CYP4X1: variants seen among roughly 807,000 people sequenced by gnomAD.
CYP4X1 encodes cytochrome P450 family 4 subfamily X member 1.
Under a neutral mutation model 57.9 loss-of-function variants are expected in CYP4X1, and 44 were observed. The ratio of observed to expected loss-of-function variants is 0.76; its 90% confidence interval spans 0.60 to 0.98. CYP4X1 has a LOEUF of 0.98. Ranked by LOEUF, CYP4X1 falls within the 50% of genes least tolerant of loss-of-function variation. The pLI, the probability that CYP4X1 is intolerant of heterozygous loss-of-function variation, is 0.00. For synonymous variants in CYP4X1, 227 were observed against 228.6 expected (o/e 0.99, Z 0.06); for missense variants, 532 against 623.9 (o/e 0.85, Z 1.57).
chr1:47,008,246 A>G, the CYP4X1 span, among the ~76,000 whole-genome samples: 2 of 152,246 alleles, frequency 1.3e-5, no homozygotes, highest in Non-Finnish European at 2.9e-5. Context: ...TCTACAAGCC[A>G]GAAGAGAGTG....
the CYP4X1 span, among the ~76,000 whole-genome samples, chr1:47,015,694 A>G: frequency 6.6e-6 from 1 of 152,150 alleles, no homozygotes; most frequent in Non-Finnish European, 1.5e-5. Flanking sequence ...TTGAGGCTTC[A>G]ATAAACTGTG....
upstream of CYP4X1, among the ~76,000 whole-genome samples, chr1:47,020,340 A>T (rs1468136768): frequency 6.6e-6 from 1 of 152,212 alleles, no homozygotes; most frequent in Non-Finnish European, 1.5e-5. Context: ...AGGGCAATAC[A>T]TGGCACATGA....
At chr1:46,972,232 G>A in the CYP4X1 span, among the ~76,000 whole-genome samples, 3 of 152,028 alleles carry the variant, frequency 2.0e-5, no homozygotes, top group African/African-American at 2.4e-5. Context: ...TGGCTTTGTC[G>A]AAGATCACAT....
At chr1:47,005,635 T>C in the CYP4X1 span, among the ~76,000 whole-genome samples, 12 of 152,212 alleles carry the variant, frequency 7.9e-5, no homozygotes, top group Non-Finnish European at 1.6e-4. Context: ...AAAAGAGTGG[T>C]CATATATTAA....
Position 47,031,469 on chromosome 1 carries a change from C to T in CYP4X1, c.353C>T (p.Pro118Leu). The T allele has an allele frequency of 1.4e-5, 22 of 1,614,112 alleles. No individual in the cohort carries two copies. The highest frequency in any genetic ancestry group is 1.9e-5 in the Non-Finnish European group (22 of 1,179,994). Residue 118 changes from proline to leucine, a missense_variant, in exon 3 of 12, where the codon CCT (proline) becomes CTT (leucine). By Grantham distance (98) the Pro-to-Leu change is moderately conservative (BLOSUM62 -3). Transcript: ENST00000371901. ...TCCCAGTACCTGCAGAAATTCTCAC[C>T]TCCACTTCTTGGTATGTATGTGCAA... is the stretch of plus-strand genomic sequence containing the variant. ...PKSQYLQKFSPPLLGKGLAAL... is the reference protein window; with the variant it reads ...PKSQYLQKFSLPLLGKGLAAL...
chr1:47,053,027 C>T (rs1644369177), downstream of CYP4X1, among the ~76,000 whole-genome samples: 1 of 152,158 alleles, frequency 6.6e-6, no homozygotes, highest in South Asian at 2.1e-4. Flanking sequence ...ATTAACTCAT[C>T]ATTTAGCATT....
the CYP4X1 span, among the ~76,000 whole-genome samples, chr1:46,965,805 T>C: frequency 6.6e-6 from 1 of 152,206 alleles, no homozygotes; most frequent in Non-Finnish European, 1.5e-5. Flanking sequence ...CAGGCTGGAA[T>C]GTCTGAGTTG....
upstream of CYP4X1, among the ~76,000 whole-genome samples, chr1:47,022,808 GAATA>G (rs200761621): frequency 4.9e-3 from 753 of 152,218 alleles, 12 homozygotes; most frequent in East Asian, 0.047. Context: ...ATAAATGAAT[GAATA>G]AATAAATGAA....
At chr1:46,987,349 A>G in the CYP4X1 span, among the ~76,000 whole-genome samples, 5 of 152,204 alleles carry the variant, frequency 3.3e-5, no homozygotes, top group Non-Finnish European at 5.9e-5. Context: ...CTAAATATAT[A>G]TGCACCCAAT....
At chr1:46,962,895 T>G in the CYP4X1 span, among the ~76,000 whole-genome samples, 1 of 152,174 alleles carries the variant, frequency 6.6e-6, no homozygotes, top group East Asian at 1.9e-4. Context: ...CTAAGTCTCT[T>G]TGTAGGTCTC....
intron 10 of CYP4X1, among the ~76,000 whole-genome samples, chr1:47,048,935 CACATCCATTTCTAAGTGGATGT>C: frequency 6.6e-6 from 1 of 152,284 alleles, no homozygotes; most frequent in Non-Finnish European, 1.5e-5. Flanking sequence ...TAAGTGGATG[CACATCCATTTCTAAGTGGATGT>C]ATCTCCATAG....
chr1:47,046,354 C>G, intron 8 of CYP4X1, 113 bp from the exon 9 acceptor site: 1 of 1,427,760 alleles, frequency 7.0e-7, no homozygotes, highest in Admixed American at 2.1e-5. Context: ...TTACATAAAC[C>G]AGTGGCAAAA....
chr1:46,968,996 G>A, the CYP4X1 span, among the ~76,000 whole-genome samples: 6 of 152,306 alleles, frequency 3.9e-5, no homozygotes, highest in South Asian at 4.1e-4. Context: ...GTATGGTTTC[G>A]CTGTTGGTCC....
chr1:47,046,128 C>G (rs1446363659), intron 8 of CYP4X1, among the ~76,000 whole-genome samples: 1 of 152,196 alleles, frequency 6.6e-6, no homozygotes, highest in African/African-American at 2.4e-5. Flanking sequence ...AATTCTTAAG[C>G]CTCTCCTCTT....
the CYP4X1 span, among the ~76,000 whole-genome samples, chr1:46,977,833 A>G: frequency 6.6e-6 from 1 of 152,094 alleles, no homozygotes; most frequent in African/African-American, 2.4e-5. Context: ...ACATTCTTAA[A>G]AAAAAGAATT....
At chr1:47,015,926 A>G in the CYP4X1 span, among the ~76,000 whole-genome samples, 2 of 152,196 alleles carry the variant, frequency 1.3e-5, no homozygotes, top group Non-Finnish European at 2.9e-5. Context: ...TCCGTGAGGA[A>G]AAACCAACAG....
the CYP4X1 span, among the ~76,000 whole-genome samples, chr1:46,972,962 T>C: frequency 2.0e-5 from 3 of 152,056 alleles, no homozygotes; most frequent in East Asian, 1.9e-4. Context: ...GGATTTCCAG[T>C]ATTATGTTGA....
chr1:47,048,529 T>G (rs1231793544), intron 9 of CYP4X1, 36 bp from the exon 10 acceptor site: 1 of 1,611,368 alleles, frequency 6.2e-7, no homozygotes, highest in East Asian at 2.2e-5. Context: ...ACTTGCTCTT[T>G]CTCCTGCAGT....
intron 4 of CYP4X1, among the ~76,000 whole-genome samples, chr1:47,034,568 A>G (rs1644159506): frequency 6.6e-6 from 1 of 152,178 alleles, no homozygotes; most frequent in Non-Finnish European, 1.5e-5. Flanking sequence ...TACCAGCTCA[A>G]TGATTGGGTT....
Sources: allele counts gnomAD v4.1 joint callset (sites outside exome capture counted in the v4.1 genomes callset), GRCh38; gene constraint gnomAD v4.1.1; transcripts MANE v1.5; gene names NCBI Gene and HGNC (gene_info 2026-07-23, HGNC 2026-07-21).